The following METTL15 variants were observed in gnomAD, a reference collection of about 807,000 sequenced individuals.
METTL15 encodes 12S rRNA N(4)-cytidine methyltransferase METTL15.
Under a neutral mutation model 38.3 loss-of-function variants are expected in METTL15, and 34 were observed. The ratio of observed to expected loss-of-function variants is 0.89; its 90% CI spans 0.68 to 1.18. The LOEUF (loss-of-function observed/expected upper bound fraction) is 1.18, where lower values mean the gene tolerates loss of function less well. METTL15 is among the 50% of genes most tolerant of loss of function. METTL15 has a pLI of 0.00. For synonymous variants in METTL15, 162 were observed against 170.9 expected, an observed-to-expected ratio of 0.95 and a Z score of 0.41; for missense variants, 438 against 498.4, an observed-to-expected ratio of 0.88 and a Z score of 1.15.
chr11:28,519,232 A>T (rs1008400149), intron 6 of METTL15: 2 of 152,192 alleles, frequency 1.3e-5, no homozygotes, highest in Non-Finnish European at 2.9e-5. Context: ...CAGATTTTGG[A>T]GTGGGATCCA....
intron 6 of METTL15, among the ~76,000 whole-genome samples, chr11:28,485,488 C>T (rs1452544421): frequency 6.6e-6 from 1 of 151,894 alleles, no homozygotes; most frequent in Non-Finnish European, 1.5e-5. Context: ...CACTAGTTAC[C>T]AGGATGAGTA....
At chr11:28,150,248 T>TTGA (rs1850033916) in intron 3 of METTL15, among the ~76,000 whole-genome samples, 1 of 151,976 alleles carries the variant, frequency 6.6e-6, no homozygotes, top group South Asian at 2.1e-4. Flanking sequence ...TAGTATAGTA[T>TTGA]TGATCTTTTT....
intron 6 of METTL15, among the ~76,000 whole-genome samples, chr11:28,433,643 C>T (rs902892328): frequency 4.6e-5 from 7 of 152,118 alleles, no homozygotes; most frequent in Non-Finnish European, 8.8e-5. Context: ...GTGATGATGA[C>T]GATTATCTTT....
chr11:28,146,226 A>C (rs1849879733), intron 3 of METTL15, among the ~76,000 whole-genome samples: 1 of 152,044 alleles, frequency 6.6e-6, no homozygotes, highest in Non-Finnish European at 1.5e-5. Context: ...CAAGGTTTTA[A>C]CTAAGAAGGT....
intron 4 of METTL15, among the ~76,000 whole-genome samples, chr11:28,252,548 G>T (rs1436615430): frequency 6.6e-6 from 1 of 152,038 alleles, no homozygotes. Flanking sequence ...CCCTTTAGTT[G>T]TAATGAAGTA....
chr11:28,349,391 A>G (rs1479041968), intron 3 of METTL15, among the ~76,000 whole-genome samples: 1 of 152,226 alleles, frequency 6.6e-6, no homozygotes, highest in East Asian at 1.9e-4. Flanking sequence ...CCGGCCTCAC[A>G]CAGGGCTGTT....
intron 3 of METTL15, among the ~76,000 whole-genome samples, chr11:28,154,906 C>T (rs1035401230): frequency 8.5e-5 from 13 of 152,058 alleles, no homozygotes; most frequent in African/African-American, 3.1e-4. Flanking sequence ...ATGATTTTAG[C>T]GTATGACTTA....
chr11:28,217,030 A>G (rs976198245), intron 4 of METTL15, among the ~76,000 whole-genome samples: 3 of 152,110 alleles, frequency 2.0e-5, no homozygotes, highest in African/African-American at 7.2e-5. Flanking sequence ...ATACGTGTGC[A>G]TGTGTCTTTA....
chr11:28,263,569 T>C (rs1225893904), intron 4 of METTL15, among the ~76,000 whole-genome samples: 1 of 152,104 alleles, frequency 6.6e-6, no homozygotes, highest in Non-Finnish European at 1.5e-5. Context: ...CATTCTCTAT[T>C]GTAATTGCAT....
At chr11:28,484,087 C>T (rs1459290762) in intron 6 of METTL15, among the ~76,000 whole-genome samples, 5 of 151,998 alleles carry the variant, frequency 3.3e-5, no homozygotes, top group South Asian at 2.1e-4. Context: ...AAGCAAAAAT[C>T]GTATAATAAC....
chr11:28,415,123 G>A (rs941464852), intron 5 of METTL15, among the ~76,000 whole-genome samples: 7 of 152,192 alleles, frequency 4.6e-5, no homozygotes, highest in African/African-American at 1.4e-4. Context: ...AGAGTAGGGT[G>A]AGTATGACAT....
intron 6 of METTL15, among the ~76,000 whole-genome samples, chr11:28,445,240 T>C (rs1030588670): frequency 6.6e-6 from 1 of 152,236 alleles, no homozygotes; most frequent in Non-Finnish European, 1.5e-5. Flanking sequence ...TCATTTCTAA[T>C]GTATAGAAAA....
At chr11:28,459,789 T>C (rs374502863) in intron 6 of METTL15, among the ~76,000 whole-genome samples, 101 of 152,248 alleles carry the variant, frequency 6.6e-4, no homozygotes, top group African/African-American at 2.3e-3. Flanking sequence ...ACAGAACCAG[T>C]TGGAGATAAG....
At chr11:28,168,478 T>C (rs900338308) in intron 3 of METTL15, among the ~76,000 whole-genome samples, 24 of 151,884 alleles carry the variant, frequency 1.6e-4, no homozygotes, top group African/African-American at 5.8e-4. Context: ...TTTTTTTTTT[T>C]AATTATACTT....
chr11:28,136,325 T>C (rs1396781967), intron 3 of METTL15, among the ~76,000 whole-genome samples: 1 of 152,092 alleles, frequency 6.6e-6, no homozygotes, highest in Non-Finnish European at 1.5e-5. Flanking sequence ...TCTCACGAGA[T>C]CTGATGGTTT....
At chr11:28,268,454 C>T (rs1473806043) in intron 4 of METTL15, among the ~76,000 whole-genome samples, 3 of 152,030 alleles carry the variant, frequency 2.0e-5, no homozygotes, top group African/African-American at 4.8e-5. Context: ...CATTATCATT[C>T]TGATTGTACA....
At chr11:28,507,514 T>C (rs1224340391) in intron 6 of METTL15, among the ~76,000 whole-genome samples, 1 of 152,142 alleles carries the variant, frequency 6.6e-6, no homozygotes, top group Non-Finnish European at 1.5e-5. Context: ...CTTTAGACCT[T>C]ACCACTTCCC....
intron 5 of METTL15, among the ~76,000 whole-genome samples, chr11:28,294,479 A>G (rs1856653266): frequency 6.6e-6 from 1 of 152,156 alleles, no homozygotes; most frequent in Admixed American, 6.6e-5. Context: ...GCTGATTCCA[A>G]TTTCAACAGC....
intron 3 of METTL15, among the ~76,000 whole-genome samples, chr11:28,168,496 T>C (rs1304624604): frequency 6.6e-6 from 1 of 151,898 alleles, no homozygotes; most frequent in Non-Finnish European, 1.5e-5. Flanking sequence ...CTTTAAGTTT[T>C]AGGGTACATG....
Sources: allele counts gnomAD v4.1 joint callset (sites outside exome capture counted in the v4.1 genomes callset), GRCh38; gene constraint gnomAD v4.1.1; transcripts MANE v1.5; gene names NCBI Gene and HGNC (gene_info 2026-07-23, HGNC 2026-07-21).